The following DDAH1 variants were observed in gnomAD, a reference collection of about 807,000 sequenced individuals.
DDAH1 encodes the protein N(G),N(G)-dimethylarginine dimethylaminohydrolase 1.
In DDAH1, 19 loss-of-function variants were observed where a neutral mutation model predicts 28.8. The ratio of observed to expected loss-of-function variants is 0.66; its 90% confidence interval spans 0.46 to 0.97. DDAH1 has a LOEUF of 0.97. DDAH1 is among the 50% of genes least tolerant of loss of function. The pLI is 0.00. For synonymous variants in DDAH1, 153 were observed against 154.4 expected, an observed-to-expected ratio of 0.99 and a Z score of 0.07; for missense variants, 326 against 375.9, an observed-to-expected ratio of 0.87 and a Z score of 1.10.
intron 1 of DDAH1, among the ~76,000 whole-genome samples, chr1:85,442,465 T>TGTG (rs1446768334): frequency 6.6e-6 from 1 of 152,218 alleles, no homozygotes; most frequent in Non-Finnish European, 1.5e-5. Context: ...TTTTTGCTAT[T>TGTG]GTGAATAGTG....
chr1:85,415,005 CTTTTTTTTTTTTT>C lies in DDAH1; in HGVS notation c.303+49725_303+49737del, dbSNP rs71727580. Among the ~76,000 whole-genome samples the C allele has an allele frequency of 8.7e-5, 5 of 57,606 alleles. 1 individual carries two copies. Among genetic ancestry groups the C allele is most frequent in the Admixed American group, 2.7e-4 (1 of 3,678 alleles). 37.8% of individuals were successfully genotyped at this position (57,606 alleles called of 152,430 possible). ...CGAAAATCAAATATTTCAAGTGTTG[CTTTTTTTTTTTTT>C]TTTTTTTTTTTTTTGAGATGGAGTC... On this transcript the variant is annotated intron_variant, in intron 1 of 5. Transcript: ENST00000284031.
chr1:85,427,992 C>T (rs1653491130), intron 1 of DDAH1, among the ~76,000 whole-genome samples: 1 of 152,102 alleles, frequency 6.6e-6, no homozygotes, highest in Admixed American at 6.6e-5. Context: ...TTCATGGCAC[C>T]CACATCCCAG....
intron 1 of DDAH1, among the ~76,000 whole-genome samples, chr1:85,552,911 A>C (rs934062515): frequency 6.6e-6 from 1 of 152,046 alleles, no homozygotes; most frequent in Non-Finnish European, 1.5e-5. Context: ...CTCCTCTTGC[A>C]TCTGGGATGG....
intron 1 of DDAH1, among the ~76,000 whole-genome samples, chr1:85,547,996 G>A (rs932219737): frequency 2.6e-5 from 4 of 152,170 alleles, no homozygotes; most frequent in Admixed American, 6.6e-5. Context: ...CCTATAGTCT[G>A]TAAACCCCAA....
At position 85,528,329 on chromosome 1, in the gene DDAH1, T is replaced by C. The variant is rs560485034; in HGVS notation, c.-122-32048A>G. ...CTCATTTGTATAAAATTTATATTAA[T>C]TTCCAGACTCACCAATGGGTCATGA... is the stretch of plus-strand genomic sequence containing the variant. On this transcript the variant is annotated intron_variant, in intron 1 of 6. Transcript: ENST00000426972. Among the ~76,000 whole-genome samples the C allele has an allele frequency of 3.3e-5, 5 of 152,270 alleles. No homozygotes were observed. In the South Asian group the frequency reaches 1.0e-3, roughly 32 times the overall value.
chr1:85,347,200 CAG>C (rs1648906483), intron 4 of DDAH1, among the ~76,000 whole-genome samples: 1 of 152,236 alleles, frequency 6.6e-6, no homozygotes, highest in East Asian at 1.9e-4. Context: ...TTGTGGAAGA[CAG>C]TGTGGCGATT....
At position 85,350,396 on chromosome 1, in the gene DDAH1, A is replaced by T. The variant is rs1249759346; in HGVS notation, c.597+19T>A. Reference sequence around the variant, plus strand: ...AGGCACCCCCACTACATTTAGAAGGAGCACAGTTTTGTATTTACCTTAAGG... The same window carrying T: ...AGGCACCCCCACTACATTTAGAAGGTGCACAGTTTTGTATTTACCTTAAGG... On this transcript the variant is annotated intron_variant, in intron 4 of 5. Transcript: ENST00000284031. 6.2e-7 allele frequency: 1 copy of T among 1,608,872 alleles called. No individual in the cohort carries two copies. The highest frequency in any genetic ancestry group is 8.5e-7 in the Non-Finnish European group (1 of 1,178,304).
intron 1 of DDAH1, among the ~76,000 whole-genome samples, chr1:85,445,094 G>C (rs12034839): frequency 1.3e-5 from 2 of 152,042 alleles, no homozygotes; most frequent in Non-Finnish European, 2.9e-5. Flanking sequence ...TATTCTAGCC[G>C]TGCTGGCAGC....
At chr1:85,427,358 T>C (rs1266958659) in intron 1 of DDAH1, among the ~76,000 whole-genome samples, 1 of 152,090 alleles carries the variant, frequency 6.6e-6, no homozygotes, top group Admixed American at 6.5e-5. Flanking sequence ...GAAAATCTGT[T>C]CATTTTCTGA....
intron 2 of DDAH1, chr1:85,493,498 G>A (rs1005033508): frequency 6.6e-6 from 1 of 152,162 alleles, no homozygotes; most frequent in Non-Finnish European, 1.5e-5. Flanking sequence ...AGTGTAGAAG[G>A]CTGTCAAAGT....
chr1:85,555,766 A>G (rs1330110941), intron 1 of DDAH1, among the ~76,000 whole-genome samples: 2 of 152,220 alleles, frequency 1.3e-5, no homozygotes, highest in Non-Finnish European at 2.9e-5. Flanking sequence ...TTGAACTGGT[A>G]AAACCTAAAG....
intron 4 of DDAH1, among the ~76,000 whole-genome samples, chr1:85,336,441 A>T (rs942305343): frequency 2.0e-5 from 3 of 152,128 alleles, no homozygotes; most frequent in Non-Finnish European, 2.9e-5. Context: ...AATGACTACA[A>T]GGTCAATGAA....
At chr1:85,536,418 GGGC>G (rs1658279606) in intron 1 of DDAH1, among the ~76,000 whole-genome samples, 1 of 146,302 alleles carries the variant, frequency 6.8e-6, no homozygotes, top group African/African-American at 2.5e-5. Flanking sequence ...CTGGGTGTGG[GGGC>G]ACATGCCTGT....
rs141199071 is a variant in DDAH1 at position 85,356,441 on chromosome 1, C to T, written c.403+2307G>A. Among the ~76,000 whole-genome samples, 737 of 152,302 alleles carry T rather than the reference C, an allele frequency of 4.8e-3. 6 individuals are homozygous for T. Among genetic ancestry groups the T allele is most frequent in the African/African-American group, 0.016 (676 of 41,556 alleles). The stretch of plus-strand genomic sequence containing the variant: ...GTTACAGACCTTATTTCTTATCTAA[C>T]TCTTCCTAATCCAAAAATTGAGTGG... On this transcript the variant is annotated intron_variant, in intron 2 of 5. Transcript: ENST00000284031.
chr1:85,544,885 C>T (rs1030791920), intron 1 of DDAH1, among the ~76,000 whole-genome samples: 3 of 152,070 alleles, frequency 2.0e-5, no homozygotes, highest in Non-Finnish European at 2.9e-5. Context: ...GCCTATTCAC[C>T]CTGTCACACC....
chr1:85,467,553 G>A (rs1471487473), upstream of DDAH1: 2 of 151,922 alleles, frequency 1.3e-5, no homozygotes, highest in Non-Finnish European at 2.9e-5. Context: ...CTTCTAATTC[G>A]TGCCATCTGA....
intron 1 of DDAH1, among the ~76,000 whole-genome samples, chr1:85,455,899 T>C (rs1654860501): frequency 6.6e-6 from 1 of 152,234 alleles, no homozygotes; most frequent in South Asian, 2.1e-4. Context: ...TAACAAGGCA[T>C]GAGTTCATAT....
rs751706933 is a variant in DDAH1, at chr1:85,324,867, C to G, written c.614G>C (p.Ser205Thr). Residue 205 changes from serine (S) to threonine (T), a missense_variant, in exon 5 of 6, where the codon AGT becomes ACT. Ser to Thr is a moderately conservative substitution (Grantham distance 58). Transcript: ENST00000284031. ...AGTGAGTTTGTCGTAGCGGTGGTCA[C>G]TCATCTGTTGCATGATCTATAAAGA... Reference protein sequence around the residue: ...QKALKIMQQMSDHRYDKLTVP... With the variant: ...QKALKIMQQMTDHRYDKLTVP... 6.2e-7 allele frequency: 1 copy of G among 1,613,938 alleles called. No individual in the cohort carries two copies. The highest frequency in any genetic ancestry group is 1.3e-5 in the African/African-American group (1 of 74,892).
Position 85,320,859 on chromosome 1 carries a change from G to A in DDAH1, c.*593C>T, listed in dbSNP as rs530693425. ...GGGTTGTTGGTGGCAGATGTAGTCA[G>A]AGGCAGAGGAGACCAATGGCAGACA... On this transcript the variant is annotated 3_prime_UTR_variant, in exon 6 of 6. Coordinates refer to ENST00000284031, the MANE Select transcript of DDAH1 (RefSeq NM_012137.4). 2 of 152,466 alleles carry A rather than the reference G, an allele frequency of 1.3e-5. No homozygotes were observed. The highest frequency in any genetic ancestry group is 1.9e-4 in the East Asian group (1 of 5,174). 9.4% of individuals were successfully genotyped at this position (152,466 alleles called of 1,614,324 possible).
Sources: gnomAD v4.1 joint callset for allele counts (sites outside exome capture counted in the v4.1 genomes callset) on GRCh38, gnomAD v4.1.1 for gene constraint, MANE v1.5 for transcripts, NCBI Gene and HGNC (gene_info 2026-07-23, HGNC 2026-07-21) for gene names.